The following SLC14A2 variants were observed in gnomAD, a reference collection of about 807,000 sequenced individuals.
The protein encoded by SLC14A2 is solute carrier family 14 member 2, also known as urea transporter 2.
SLC14A2 carries 91 observed loss-of-function variants against 104.6 expected under a neutral mutation model. That is an observed-to-expected ratio of 0.87 (90% CI 0.73 to 1.04). The LOEUF (loss-of-function observed/expected upper bound fraction) is 1.04, where lower values mean the gene tolerates loss of function less well. SLC14A2 is among the 50% of genes least tolerant of loss of function. The probability of loss-of-function intolerance (pLI) is 0.00; values close to 1 mark genes in which losing one functional copy is unlikely to be tolerated. For missense variants in SLC14A2, 1,189 were observed against 1,156.0 expected (o/e 1.03, Z -0.41); for synonymous variants, 476 against 466.4 (o/e 1.02, Z -0.27).
At chr18:45,587,821 G>C (rs545029240) in intron 2 of SLC14A2, among the ~76,000 whole-genome samples, 2 of 152,208 alleles carry the variant, frequency 1.3e-5, no homozygotes, top group South Asian at 4.2e-4. Flanking sequence ...ACCAGTTCAC[G>C]GTCTGCTATA....
chr18:45,168,609 A>G, the SLC14A2 span: 1 of 152,212 alleles, frequency 6.6e-6, no homozygotes, highest in South Asian at 2.1e-4. Flanking sequence ...ATTTACGTAC[A>G]TGAGCCTTTA....
intron 1 of SLC14A2, among the ~76,000 whole-genome samples, chr18:45,622,683 CAG>C (rs2045193260): frequency 6.6e-6 from 1 of 152,040 alleles, no homozygotes; most frequent in Non-Finnish European, 1.5e-5. Flanking sequence ...AAGGAGCAAC[CAG>C]AGAGGGGAGC....
intron 1 of SLC14A2, among the ~76,000 whole-genome samples, chr18:45,338,781 C>T (rs2085363939): frequency 1.3e-5 from 2 of 150,002 alleles, no homozygotes; most frequent in Non-Finnish European, 2.9e-5. Context: ...CCTCTGTCCT[C>T]GTGTGAAAAC....
chr18:45,486,062 T>C (rs1486631430), intron 2 of SLC14A2, among the ~76,000 whole-genome samples: 1 of 152,168 alleles, frequency 6.6e-6, no homozygotes, highest in African/African-American at 2.4e-5. Flanking sequence ...AATCAGTGAG[T>C]AGACAGAAAG....
intron 10 of SLC14A2, among the ~76,000 whole-genome samples, chr18:45,649,001 C>T (rs986837123): frequency 6.6e-6 from 1 of 152,072 alleles, no homozygotes; most frequent in Admixed American, 6.5e-5. Context: ...GAAACCCTGT[C>T]TCTACTAAAA....
chr18:45,678,857 A>C (rs1352221462), intron 18 of SLC14A2, 118 bp from the exon 19 acceptor site: 1 of 952,760 alleles, frequency 1.0e-6, no homozygotes, highest in Non-Finnish European at 1.5e-6. Context: ...AATTTTTAAA[A>C]AATCTTAGAG....
At chr18:45,612,243 G>A (rs1328335069), upstream of SLC14A2, among the ~76,000 whole-genome samples, 2 of 152,210 alleles carry the variant, frequency 1.3e-5, no homozygotes, top group Non-Finnish European at 2.9e-5. Context: ...AGAGCTCAGT[G>A]GGAAAGAGCA....
At chr18:45,282,294 A>G (rs1482940859) in intron 1 of SLC14A2, among the ~76,000 whole-genome samples, 2 of 152,092 alleles carry the variant, frequency 1.3e-5, no homozygotes. Context: ...GGGGTGCTTT[A>G]GTTACGAGTC....
At chr18:45,557,708 T>G (rs115675656) in intron 2 of SLC14A2, among the ~76,000 whole-genome samples, 2,719 of 152,262 alleles carry the variant, frequency 0.018, 82 homozygotes, top group African/African-American at 0.062. Flanking sequence ...CCCCTCCTAG[T>G]GTGGTCTTCT....
chr18:45,367,730 G>A (rs140715261), intron 1 of SLC14A2, among the ~76,000 whole-genome samples: 1,771 of 151,804 alleles, frequency 0.012, 14 homozygotes, highest in Middle Eastern at 0.024. Context: ...ACCAGCAAGT[G>A]CTACAAATCA....
At chr18:45,324,221 A>G (rs146637615) in intron 1 of SLC14A2, among the ~76,000 whole-genome samples, 17 of 152,292 alleles carry the variant, frequency 1.1e-4, no homozygotes, top group African/African-American at 4.1e-4. Flanking sequence ...TAGTGAACCC[A>G]TAGCAGTGGA....
At chr18:45,676,082 A>C (rs538666485) in intron 18 of SLC14A2, among the ~76,000 whole-genome samples, 2 of 152,220 alleles carry the variant, frequency 1.3e-5, no homozygotes, top group Non-Finnish European at 2.9e-5. Context: ...CTTCCATAAA[A>C]ATGTCCCAAT....
At position 45,643,992 on chromosome 18, in the gene SLC14A2, G is replaced by A. The variant is rs781119545; in HGVS notation, c.1183G>A (p.Val395Met). Reference sequence around the variant, plus strand: ...CCAATGCTTTTGTTTCCAGGTGGGCGTGCCACCAGGCACCTGGGCCTTCTG... The same window carrying A: ...CCAATGCTTTTGTTTCCAGGTGGGCATGCCACCAGGCACCTGGGCCTTCTG... Reference protein sequence around the residue: ...AISNIMSVVGVPPGTWAFCLA... With the variant: ...AISNIMSVVGMPPGTWAFCLA... Residue 395 changes from valine to methionine, a missense_variant, in exon 10 of 20, where the codon GTG becomes ATG. Physicochemically the swap from Val to Met is conservative, Grantham distance 21 (BLOSUM62 1). Coordinates refer to ENST00000255226, the MANE Select transcript of SLC14A2 (RefSeq NM_007163.4). 218 of 1,613,674 alleles carry A rather than the reference G, an allele frequency of 1.4e-4. 1 individual carries two copies. The highest frequency in any genetic ancestry group is 1.7e-4 in the Non-Finnish European group (198 of 1,179,678).
At chr18:45,390,048 T>C (rs2085943126) in intron 1 of SLC14A2, among the ~76,000 whole-genome samples, 1 of 152,106 alleles carries the variant, frequency 6.6e-6, no homozygotes, top group African/African-American at 2.4e-5. Flanking sequence ...AGTTAAAATC[T>C]CGTTGGTATT....
chr18:45,428,506 C>T (rs112983461), intron 1 of SLC14A2, among the ~76,000 whole-genome samples: 5 of 152,240 alleles, frequency 3.3e-5, no homozygotes, highest in African/African-American at 1.2e-4. Flanking sequence ...AGACAGCAGG[C>T]ACCACAGAAG....
chr18:45,339,886 A>G (rs1166412403), intron 1 of SLC14A2, among the ~76,000 whole-genome samples: 1 of 152,234 alleles, frequency 6.6e-6, no homozygotes, highest in Non-Finnish European at 1.5e-5. Flanking sequence ...ACTGATGTAA[A>G]CTGGTACTGT....
intron 2 of SLC14A2, among the ~76,000 whole-genome samples, chr18:45,559,851 A>G (rs2044179322): frequency 6.6e-6 from 1 of 152,228 alleles, no homozygotes; most frequent in South Asian, 2.1e-4. Flanking sequence ...CAGAACCCAC[A>G]GGATCCACCA....
the SLC14A2 span, among the ~76,000 whole-genome samples, chr18:45,182,344 A>G: frequency 2.0e-5 from 3 of 152,148 alleles, no homozygotes; most frequent in African/African-American, 7.2e-5. Context: ...AAAATGCTAT[A>G]GTGATAAATT....
At chr18:45,621,226 C>CT (rs1245771520) in intron 1 of SLC14A2, among the ~76,000 whole-genome samples, 4 of 152,218 alleles carry the variant, frequency 2.6e-5, no homozygotes, top group Admixed American at 1.3e-4. Flanking sequence ...TCTCCTAAAC[C>CT]TTTCCAGCAT....
Sources: gnomAD v4.1 joint callset for allele counts (sites outside exome capture counted in the v4.1 genomes callset) on GRCh38, gnomAD v4.1.1 for gene constraint, MANE v1.5 for transcripts, NCBI Gene and HGNC (gene_info 2026-07-23, HGNC 2026-07-21) for gene names.